ATP1B3: variants seen among roughly 807,000 people sequenced by gnomAD.
The protein encoded by ATP1B3 is sodium/potassium-transporting ATPase subunit beta-3.
Under a neutral mutation model 30.2 loss-of-function variants are expected in ATP1B3, and 10 were observed. That is an observed-to-expected ratio of 0.33 (90% CI 0.20 to 0.56). The LOEUF (loss-of-function observed/expected upper bound fraction) is 0.56. Ranked by LOEUF, ATP1B3 falls within the 20% of genes least tolerant of loss-of-function variation. The pLI is 0.90. For synonymous variants in ATP1B3, 113 were observed against 117.0 expected (o/e 0.97, Z 0.22); for missense variants, 238 against 336.7 (o/e 0.71, Z 2.29).
intron 1 of ATP1B3, among the ~76,000 whole-genome samples, 197 bp downstream of exon 1, chr3:141,877,107 C>A (rs1485836553): frequency 1.3e-5 from 2 of 151,022 alleles, no homozygotes; most frequent in African/African-American, 2.4e-5. Flanking sequence ...GCAGCTCGCT[C>A]CCGAAGCAGC....
At chr3:141,892,079 A>C (rs1933965273) in intron 1 of ATP1B3, among the ~76,000 whole-genome samples, 2 of 151,970 alleles carry the variant, frequency 1.3e-5, no homozygotes, top group African/African-American at 4.8e-5. Flanking sequence ...TCCTTTACTC[A>C]ATCTGTGGGT....
At chr3:141,910,252 G>A (rs1022019299) in intron 3 of ATP1B3, among the ~76,000 whole-genome samples, 1 of 152,168 alleles carries the variant, frequency 6.6e-6, no homozygotes, top group Non-Finnish European at 1.5e-5. Flanking sequence ...GATTACAGGC[G>A]TGAGTTACAG....
chr3:141,918,381 GC>G (rs1383241170), intron 5 of ATP1B3: 1 of 152,142 alleles, frequency 6.6e-6, no homozygotes, highest in Non-Finnish European at 1.5e-5. Context: ...ACACATTCAA[GC>G]CAGAAGCGCA....
intron 1 of ATP1B3, among the ~76,000 whole-genome samples, chr3:141,885,469 A>T (rs1933810596): frequency 6.6e-6 from 1 of 151,254 alleles, no homozygotes; most frequent in African/African-American, 2.4e-5. Flanking sequence ...TGTTTTTCAG[A>T]TGGAGTTTCG....
chr3:141,911,492 CTT>C (rs60462262), intron 3 of ATP1B3, among the ~76,000 whole-genome samples: 10 of 140,756 alleles, frequency 7.1e-5, no homozygotes, highest in Non-Finnish European at 9.3e-5. Flanking sequence ...TTATCTTGGT[CTT>C]TTTTTTTTTT....
chr3:141,916,599 G>A (rs1934468742), intron 5 of ATP1B3: 3 of 1,264,322 alleles, frequency 2.4e-6, no homozygotes, highest in Non-Finnish European at 3.1e-6. Flanking sequence ...GAGACATTAA[G>A]TTCTAAATTT....
Position 141,913,840 on chromosome 3 carries a change from CG to C in ATP1B3, c.531+5del. On this transcript the variant is annotated splice_donor_5th_base_variant and intron_variant, in intron 4 of 6. Coordinates refer to ENST00000286371, the MANE Select transcript of ATP1B3 (RefSeq NM_001679.4). ...TATTCTTGTGAAAATGAACAGAGTA[CG>C]TACATATTTTACCTCTGCTGCTGCT... The C allele has an allele frequency of 6.3e-7, 1 of 1,596,442 alleles. No individual in the cohort carries two copies. The highest frequency in any genetic ancestry group is 8.5e-7 in the Non-Finnish European group (1 of 1,173,508).
At chr3:141,921,075 T>A (rs568141100) in intron 5 of ATP1B3, among the ~76,000 whole-genome samples, 15 of 152,128 alleles carry the variant, frequency 9.9e-5, no homozygotes, top group African/African-American at 3.1e-4. Flanking sequence ...AAAAATTTTT[T>A]TATATATATA....
At chr3:141,879,011 G>T (rs28454329) in intron 1 of ATP1B3, among the ~76,000 whole-genome samples, 35,331 of 152,112 alleles carry the variant, frequency 0.23, 4,268 homozygotes, top group African/African-American at 0.26. Flanking sequence ...GGAGAGCTCT[G>T]TGCCTCTGGG....
intron 5 of ATP1B3, 82 bp from the exon 6 acceptor site, chr3:141,921,895 T>C (rs561562162): frequency 2.9e-6 from 2 of 700,408 alleles, no homozygotes; most frequent in East Asian, 3.1e-5. Flanking sequence ...CTGTTCATGA[T>C]TGATATTCCT....
At chr3:141,916,041 T>A (rs757705858) in intron 5 of ATP1B3, 21 bp downstream of exon 5, 3 of 1,577,810 alleles carry the variant, frequency 1.9e-6, no homozygotes, top group Non-Finnish European at 2.6e-6. Context: ...AAAAAGTAAC[T>A]CCTGTTAAAT....
intron 1 of ATP1B3, among the ~76,000 whole-genome samples, chr3:141,877,786 C>T (rs1225550957): frequency 2.7e-5 from 4 of 149,252 alleles, no homozygotes; most frequent in African/African-American, 9.9e-5. Context: ...CTTTAGGATG[C>T]CTTTTTTTCC....
chr3:141,903,565 T>C (rs1934206502), intron 1 of ATP1B3, 55 bp from the exon 2 acceptor site: 1 of 1,604,546 alleles, frequency 6.2e-7, no homozygotes, highest in Admixed American at 1.7e-5. Flanking sequence ...TGGCCAAACA[T>C]GCATACACAC....
At chr3:141,877,021 A>C in intron 1 of ATP1B3, 111 bp downstream of exon 1, 1 of 772,018 alleles carries the variant, frequency 1.3e-6, no homozygotes, top group African/African-American at 1.9e-5. Context: ...GGGGCTCCCG[A>C]CCGCCCGACC....
intron 2 of ATP1B3, among the ~76,000 whole-genome samples, chr3:141,905,829 A>G: frequency 6.6e-6 from 1 of 152,176 alleles, no homozygotes. Context: ...ATATATAAGC[A>G]TATGTGTTAA....
At chr3:141,916,862 ATTTTTTTCTT>A (rs1250674464) in intron 5 of ATP1B3, among the ~76,000 whole-genome samples, 1 of 150,078 alleles carries the variant, frequency 6.7e-6, no homozygotes, top group African/African-American at 2.5e-5. Context: ...CAAAATTTGC[ATTTTTTTCTT>A]TTTTTTTCTT....
chr3:141,922,583 G>A (rs941140318), intron 6 of ATP1B3, among the ~76,000 whole-genome samples: 1 of 151,616 alleles, frequency 6.6e-6, no homozygotes, highest in Non-Finnish European at 1.5e-5. Context: ...AACCCAGGAG[G>A]TGGAGGTTGC....
chr3:141,894,018 C>G (rs1446079903), intron 1 of ATP1B3, among the ~76,000 whole-genome samples: 1 of 152,156 alleles, frequency 6.6e-6, no homozygotes, highest in Non-Finnish European at 1.5e-5. Context: ...CAACATGTTA[C>G]TGGATGAATA....
chr3:141,905,404 C>T (rs1188713904), intron 2 of ATP1B3, among the ~76,000 whole-genome samples: 2 of 152,128 alleles, frequency 1.3e-5, no homozygotes, highest in African/African-American at 4.8e-5. Context: ...CATAGGGCAA[C>T]CCCCACAACA....
Sources: allele counts gnomAD v4.1 joint callset (sites outside exome capture counted in the v4.1 genomes callset), GRCh38; gene constraint gnomAD v4.1.1; transcripts MANE v1.5; gene names NCBI Gene and HGNC (gene_info 2026-07-23, HGNC 2026-07-21).